P3H2: variants seen among roughly 807,000 people sequenced by gnomAD.
The protein encoded by P3H2 is leprecan-like 1.
In P3H2, 80 loss-of-function variants were observed where a neutral mutation model predicts 87.0. The observed-to-expected ratio is 0.92, with a 90% CI of 0.77 to 1.11. The LOEUF (loss-of-function observed/expected upper bound fraction) is 1.11. Ranked by LOEUF, P3H2 falls within the 50% of genes least tolerant of loss-of-function variation. The probability of loss-of-function intolerance (pLI) is 0.00; values close to 1 mark genes in which losing one functional copy is unlikely to be tolerated. For missense variants in P3H2, 1,001 were observed against 923.9 expected (o/e 1.08, Z -1.08); for synonymous variants, 367 against 359.3 (o/e 1.02, Z -0.24).
At chr3:189,985,346 A>T (rs1286948413) in intron 6 of P3H2, among the ~76,000 whole-genome samples, 1 of 151,652 alleles carries the variant, frequency 6.6e-6, no homozygotes, top group Non-Finnish European at 1.5e-5. Flanking sequence ...ATTACAAGTT[A>T]AAATGATGTA....
intron 8 of P3H2, among the ~76,000 whole-genome samples, chr3:189,975,886 A>C (rs751228326): frequency 6.6e-6 from 1 of 152,224 alleles, no homozygotes; most frequent in Non-Finnish European, 1.5e-5. Context: ...GAAGTTCCCT[A>C]AGGAGCTCCA....
rs773519724 is a variant in P3H2, at chr3:189,995,459, A to G, written c.481-17T>C. The G allele has an allele frequency of 5.0e-6, 8 of 1,611,080 alleles. No individual in the cohort carries two copies. The highest frequency in any genetic ancestry group is 4.0e-5 in the African/African-American group (3 of 74,902). On this transcript the variant is annotated splice_polypyrimidine_tract_variant and intron_variant, in intron 1 of 14. Coordinates refer to ENST00000319332, the MANE Select transcript of P3H2 (RefSeq NM_018192.4). ...CTGGTTAAGCTAAAGAGAAAAAAAAATGACCAAAATGAAGGCAAATATTTC... is the reference window on the plus strand; with the variant it reads ...CTGGTTAAGCTAAAGAGAAAAAAAAGTGACCAAAATGAAGGCAAATATTTC...
intron 1 of P3H2, among the ~76,000 whole-genome samples, chr3:190,052,677 A>ATG (rs373010894): frequency 0.013 from 1,931 of 151,302 alleles, 46 homozygotes; most frequent in African/African-American, 0.045. Context: ...ATACATATAA[A>ATG]TGTGTGTGTG....
chr3:189,999,994 C>T (rs1462276000), intron 1 of P3H2, among the ~76,000 whole-genome samples: 1 of 152,180 alleles, frequency 6.6e-6, no homozygotes, highest in Non-Finnish European at 1.5e-5. Context: ...TGTCCTTGAA[C>T]CTGTGAGTGA....
upstream of P3H2, chr3:190,122,090 A>AAAAAAC (rs1553784223): frequency 6.7e-6 from 1 of 148,962 alleles, no homozygotes; most frequent in Non-Finnish European, 1.5e-5. Flanking sequence ...CAAAAACAAA[A>AAAAAAC]AAAACAAAGA....
intron 1 of P3H2, among the ~76,000 whole-genome samples, chr3:190,065,906 C>G (rs116865126): frequency 1.3e-5 from 2 of 152,020 alleles, no homozygotes; most frequent in Non-Finnish European, 2.9e-5. Context: ...GCTTGTGTCA[C>G]TATTGTCGTT....
chr3:190,114,701 A>C (rs3106337), intron 1 of P3H2, among the ~76,000 whole-genome samples: 51,946 of 151,696 alleles, frequency 0.34, 9,678 homozygotes, highest in African/African-American at 0.51. Context: ...GTGACCTGTA[A>C]GTTTTGATGG....
At chr3:189,994,550 A>G (rs969307597) in intron 2 of P3H2, among the ~76,000 whole-genome samples, 1 of 152,164 alleles carries the variant, frequency 6.6e-6, no homozygotes, top group Non-Finnish European at 1.5e-5. Context: ...TCCTTAGCAC[A>G]TGCAAGACTG....
chr3:190,015,728 A>G (rs973148843), intron 1 of P3H2, among the ~76,000 whole-genome samples: 1 of 152,190 alleles, frequency 6.6e-6, no homozygotes, highest in Non-Finnish European at 1.5e-5. Context: ...GAGGGCAGAG[A>G]TTACTTCAAT....
intron 1 of P3H2, among the ~76,000 whole-genome samples, chr3:190,016,664 G>A (rs1440815217): frequency 6.6e-6 from 1 of 152,180 alleles, no homozygotes; most frequent in African/African-American, 2.4e-5. Flanking sequence ...TCCAACATAT[G>A]TTTAATGTAG....
intron 8 of P3H2, among the ~76,000 whole-genome samples, chr3:189,979,089 G>A (rs1279326234): frequency 6.6e-6 from 1 of 151,960 alleles, no homozygotes; most frequent in East Asian, 1.9e-4. Flanking sequence ...GTGTAGGCAG[G>A]CTAACAATCC....
intron 1 of P3H2, among the ~76,000 whole-genome samples, chr3:190,045,369 T>C (rs1019358542): frequency 2.6e-5 from 4 of 152,208 alleles, no homozygotes; most frequent in Admixed American, 1.3e-4. Context: ...CAAGAATAAA[T>C]AGGGCTCTTG....
intron 5 of P3H2, 115 bp from the exon 6 acceptor site, chr3:189,986,992 T>G (rs1041899739): frequency 2.7e-6 from 2 of 739,270 alleles, no homozygotes; most frequent in Non-Finnish European, 4.8e-6. Context: ...CTAACAAATA[T>G]TCAGAACTGC....
At chr3:189,961,661 G>C (rs1256600902) in intron 14 of P3H2, among the ~76,000 whole-genome samples, 1 of 152,158 alleles carries the variant, frequency 6.6e-6, no homozygotes, top group Non-Finnish European at 1.5e-5. Flanking sequence ...GTGTAGCAAA[G>C]AATGATTCAC....
intron 1 of P3H2, among the ~76,000 whole-genome samples, chr3:190,053,070 A>G (rs1726034446): frequency 6.6e-6 from 1 of 152,236 alleles, no homozygotes; most frequent in Non-Finnish European, 1.5e-5. Context: ...GTTGTGGCAC[A>G]TATCAACAGC....
At position 190,114,262 on chromosome 3, in the gene P3H2, C is replaced by T. The variant is rs1334730888; in HGVS notation, c.480+5990G>A. 2.0e-5 allele frequency among the ~76,000 whole-genome samples: 3 copies of T among 149,176 alleles called. No homozygotes were observed. The East Asian group carries it at 6.1e-4, about 30-fold the overall frequency. On this transcript the variant is annotated intron_variant, in intron 1 of 14. Transcript: ENST00000319332. Reference sequence around the variant, plus strand: ...GCGGTGGCGCCATCTCGGCTCACTGCAAGCTCCGCCTCCCGGGTTCACGCC... The same window carrying T: ...GCGGTGGCGCCATCTCGGCTCACTGTAAGCTCCGCCTCCCGGGTTCACGCC...
At chr3:190,038,256 A>G (rs1240140874) in intron 1 of P3H2, among the ~76,000 whole-genome samples, 1 of 124,786 alleles carries the variant, frequency 8.0e-6, no homozygotes, top group African/African-American at 3.0e-5. Context: ...AAAAAAAAAA[A>G]CTGTCACAAA....
At chr3:190,105,383 A>AT (rs1177610672) in intron 1 of P3H2, among the ~76,000 whole-genome samples, 2 of 152,200 alleles carry the variant, frequency 1.3e-5, no homozygotes, top group East Asian at 3.9e-4. Context: ...GCAAAAGGAG[A>AT]TTTTTTGTTG....
chr3:190,034,223 A>G (rs61065197), intron 1 of P3H2, among the ~76,000 whole-genome samples: 86,706 of 151,536 alleles, frequency 0.57, 26,926 homozygotes, highest in South Asian at 0.71. Flanking sequence ...ACATATGAAT[A>G]ATTGTTCCTC....
Sources: gnomAD v4.1 joint callset for allele counts (sites outside exome capture counted in the v4.1 genomes callset) on GRCh38, gnomAD v4.1.1 for gene constraint, MANE v1.5 for transcripts, NCBI Gene and HGNC (gene_info 2026-07-23, HGNC 2026-07-21) for gene names.